AGBL4: variants seen among roughly 807,000 people sequenced by gnomAD.
AGBL4 encodes AGBL carboxypeptidase 4.
In AGBL4, 58 loss-of-function variants were observed where a neutral mutation model predicts 66.4. That is an observed-to-expected ratio of 0.87 (90% CI 0.71 to 1.09). AGBL4 has a LOEUF of 1.09. AGBL4 is among the 50% of genes least tolerant of loss of function. AGBL4 has a pLI of 0.00. For synonymous variants in AGBL4, 234 were observed against 222.9 expected (o/e 1.05, Z -0.44); for missense variants, 579 against 631.0 (o/e 0.92, Z 0.88).
At chr1:49,241,726 AAAG>A (rs1036614242) in intron 4 of AGBL4, among the ~76,000 whole-genome samples, 1 of 152,060 alleles carries the variant, frequency 6.6e-6, no homozygotes, top group African/African-American at 2.4e-5. Context: ...GGAGGGAGAA[AAAG>A]AAGAAATAAT....
chr1:49,395,844 TATATAC>T (rs1354958606), intron 3 of AGBL4, among the ~76,000 whole-genome samples: 4 of 83,264 alleles, frequency 4.8e-5, no homozygotes, highest in African/African-American at 1.0e-4. Flanking sequence ...TATATATATA[TATATAC>T]ACACATAAAT....
intron 3 of AGBL4, among the ~76,000 whole-genome samples, chr1:49,629,705 T>C (rs1204744516): frequency 2.0e-5 from 3 of 152,278 alleles, no homozygotes; most frequent in Admixed American, 1.3e-4. Flanking sequence ...TTCCTCAGTG[T>C]ACAGTCATCC....
chr1:49,314,119 T>C (rs1386087988), intron 3 of AGBL4, among the ~76,000 whole-genome samples: 1 of 152,194 alleles, frequency 6.6e-6, no homozygotes, highest in African/African-American at 2.4e-5. Flanking sequence ...ATCGATTAAA[T>C]AGGGAATGCT....
At chr1:49,812,893 G>A (rs1289684869) in intron 2 of AGBL4, among the ~76,000 whole-genome samples, 1 of 152,118 alleles carries the variant, frequency 6.6e-6, no homozygotes, top group Admixed American at 6.6e-5. Flanking sequence ...AGACCTACAT[G>A]TAACTAAATC....
chr1:49,589,367 C>G (rs1467614517), intron 3 of AGBL4, among the ~76,000 whole-genome samples: 1 of 151,950 alleles, frequency 6.6e-6, no homozygotes, highest in Non-Finnish European at 1.5e-5. Flanking sequence ...TGCATTTGGA[C>G]CCTAGATTCC....
intron 11 of AGBL4, chr1:48,586,167 C>T (rs749496674): frequency 6.6e-6 from 1 of 152,168 alleles, no homozygotes. Context: ...ACTCGGGAAA[C>T]TAGAGTTACT....
rs563215730 is a variant in AGBL4, at chr1:48,567,415, A to G, written c.1267+19589T>C. Among the ~76,000 whole-genome samples the G allele has an allele frequency of 3.3e-5, 5 of 152,294 alleles. No individual in the cohort carries two copies. In the South Asian group the frequency reaches 1.0e-3, roughly 32 times the overall value. On this transcript the variant is annotated intron_variant, in intron 11 of 13. Coordinates refer to ENST00000371839, the MANE Select transcript of AGBL4 (RefSeq NM_032785.4). ...CACATGTGATGATGCCCAGCACTGC[A>G]TGAGCCTGGTGAGGTATGGAGGGAC...
At chr1:49,583,485 AT>A (rs927455169) in intron 3 of AGBL4, among the ~76,000 whole-genome samples, 13 of 152,180 alleles carry the variant, frequency 8.5e-5, no homozygotes, top group Non-Finnish European at 1.2e-4. Flanking sequence ...AAAATTACTG[AT>A]TTTTAGCAAA....
chr1:48,953,184 C>T (rs1657145097), intron 5 of AGBL4, among the ~76,000 whole-genome samples: 1 of 152,046 alleles, frequency 6.6e-6, no homozygotes, highest in African/African-American at 2.4e-5. Flanking sequence ...GCTGAAGGTC[C>T]AGAGAACCAG....
At chr1:48,544,893 A>C (rs1227152900) in intron 11 of AGBL4, among the ~76,000 whole-genome samples, 1 of 152,200 alleles carries the variant, frequency 6.6e-6, no homozygotes, top group Admixed American at 6.5e-5. Context: ...CACAGAGAAC[A>C]TAGGAAAATA....
chr1:49,407,792 G>T (rs937088244), intron 3 of AGBL4, among the ~76,000 whole-genome samples: 3 of 152,204 alleles, frequency 2.0e-5, no homozygotes, highest in African/African-American at 7.2e-5. Context: ...GATCCTAACT[G>T]CCTTGAAAGT....
At chr1:49,594,298 T>A (rs1472512637) in intron 3 of AGBL4, among the ~76,000 whole-genome samples, 1 of 152,190 alleles carries the variant, frequency 6.6e-6, no homozygotes, top group Non-Finnish European at 1.5e-5. Flanking sequence ...TTCCTTTTCC[T>A]CATAGGCCAT....
chr1:48,655,038 C>T (rs960207682), intron 7 of AGBL4, among the ~76,000 whole-genome samples: 1 of 152,174 alleles, frequency 6.6e-6, no homozygotes, highest in Non-Finnish European at 1.5e-5. Flanking sequence ...CTGGCCACAC[C>T]GCCTCAGAGA....
intron 1 of AGBL4, among the ~76,000 whole-genome samples, chr1:50,020,526 C>T (rs1662365438): frequency 6.6e-6 from 1 of 152,098 alleles, no homozygotes; most frequent in Non-Finnish European, 1.5e-5. Flanking sequence ...TCCATTTCAC[C>T]TTGTTAGAAT....
chr1:48,741,643 C>T (rs1434385649), intron 6 of AGBL4, among the ~76,000 whole-genome samples: 1 of 152,208 alleles, frequency 6.6e-6, no homozygotes, highest in African/African-American at 2.4e-5. Flanking sequence ...CTCAGGTTGG[C>T]CAGTTGCAGA....
At chr1:49,699,127 G>A (rs1571352935) in intron 2 of AGBL4, among the ~76,000 whole-genome samples, 1 of 151,942 alleles carries the variant, frequency 6.6e-6, no homozygotes, top group Non-Finnish European at 1.5e-5. Flanking sequence ...CATTTATTAA[G>A]CCATTTAATC....
At chr1:48,639,986 T>C (rs1645729000) in intron 8 of AGBL4, among the ~76,000 whole-genome samples, 1 of 152,198 alleles carries the variant, frequency 6.6e-6, no homozygotes, top group African/African-American at 2.4e-5. Context: ...CTCACTCCTA[T>C]GACTGCCAGT....
intron 1 of AGBL4, among the ~76,000 whole-genome samples, chr1:49,892,883 A>G (rs931183755): frequency 1.3e-5 from 2 of 152,040 alleles, no homozygotes; most frequent in Admixed American, 1.3e-4. Context: ...CCCATTATTC[A>G]TGGTAGTCTG....
chr1:48,769,345 G>A (rs1644689011), intron 6 of AGBL4, among the ~76,000 whole-genome samples: 1 of 152,038 alleles, frequency 6.6e-6, no homozygotes, highest in South Asian at 2.1e-4. Context: ...CAGGACTGGG[G>A]CACAGAAAAA....
Sources: allele counts gnomAD v4.1 joint callset (sites outside exome capture counted in the v4.1 genomes callset), GRCh38; gene constraint gnomAD v4.1.1; transcripts MANE v1.5; gene names NCBI Gene and HGNC (gene_info 2026-07-23, HGNC 2026-07-21).